Variants in FREM1 observed in about 807,000 individuals in gnomAD.
FREM1 encodes FRAS1 related extracellular matrix 1.
Under a neutral mutation model 210.1 loss-of-function variants are expected in FREM1, and 220 were observed. The ratio of observed to expected loss-of-function variants is 1.05; its 90% CI spans 0.94 to 1.17. The LOEUF (loss-of-function observed/expected upper bound fraction) is 1.17, where lower values mean the gene tolerates loss of function less well. FREM1 is among the 50% of genes most tolerant of loss of function. The pLI is 0.00. For missense variants in FREM1, 3,454 were observed against 2,675.5 expected, an observed-to-expected ratio of 1.29 and a Z score of -6.42; for synonymous variants, 1,189 against 980.2, an observed-to-expected ratio of 1.21 and a Z score of -3.98.
chr9:14,759,438 A>C (rs1845039055), intron 28 of FREM1, among the ~76,000 whole-genome samples: 1 of 150,476 alleles, frequency 6.6e-6, no homozygotes, highest in Admixed American at 6.7e-5. Context: ...TGAATCTGGG[A>C]GGTGGAGGTT....
chr9:14,843,166 T>C (rs1322436296), intron 8 of FREM1, among the ~76,000 whole-genome samples: 2 of 152,202 alleles, frequency 1.3e-5, no homozygotes, highest in Admixed American at 1.3e-4. Flanking sequence ...AGCTGAGACT[T>C]CCTTCCATCT....
chr9:14,900,256 G>C (rs989862256), intron 1 of FREM1, among the ~76,000 whole-genome samples: 6 of 152,194 alleles, frequency 3.9e-5, no homozygotes, highest in African/African-American at 1.4e-4. Context: ...TAATTTGTCT[G>C]AGTGGGGCCC....
At chr9:14,803,117 CCT>C (rs1376200508) in intron 19 of FREM1, among the ~76,000 whole-genome samples, 1 of 141,988 alleles carries the variant, frequency 7.0e-6, no homozygotes, top group Non-Finnish European at 1.5e-5. Flanking sequence ...TCCCTCCCTC[CCT>C]CTTTTCCTTT....
chr9:14,892,331 G>C (rs4741442), intron 1 of FREM1, among the ~76,000 whole-genome samples: 18,931 of 152,002 alleles, frequency 0.12, 1,487 homozygotes, highest in East Asian at 0.44. Flanking sequence ...TGGGTAGGTG[G>C]GGTGCATTTA....
intron 2 of FREM1, among the ~76,000 whole-genome samples, chr9:14,867,773 T>C (rs376119094): frequency 1.9e-4 from 29 of 152,296 alleles, no homozygotes; most frequent in African/African-American, 6.7e-4. Context: ...AGCAGCAGCA[T>C]CTAGTGTTGA....
intron 25 of FREM1, among the ~76,000 whole-genome samples, chr9:14,772,760 A>G (rs1847815007): frequency 6.6e-6 from 1 of 152,226 alleles, no homozygotes; most frequent in African/African-American, 2.4e-5. Context: ...CCAAGTGGCC[A>G]GTAAGAGAGA....
intron 17 of FREM1, among the ~76,000 whole-genome samples, chr9:14,807,155 T>G (rs1259044911): frequency 6.6e-6 from 1 of 152,234 alleles, no homozygotes; most frequent in Admixed American, 6.5e-5. Context: ...CAAGGAACTC[T>G]GGTTTCCCTT....
rs1038138467 is a variant in FREM1 at position 14,775,981 on chromosome 9, G to A, written c.4665C>T (p.Leu1555=). The A allele has an allele frequency of 1.4e-5, 23 of 1,613,922 alleles. No individual in the cohort carries two copies. Among genetic ancestry groups the A allele is most frequent in the South Asian group, 1.1e-5 (1 of 91,092 alleles). The change falls in exon 25 of 37, where the codon CTC becomes CTT. Residue 1555 remains leucine, a synonymous_variant. Transcript: ENST00000380880. The stretch of plus-strand genomic sequence containing the variant: ...GAAGTAGCCCTGTCCCCCACAGGTA[G>A]AGCTGGCCATGCTGGGGGAGCTGAA... ...LLVQLPQHGQ[L]YLWGTGLLQH...
intron 20 of FREM1, among the ~76,000 whole-genome samples, chr9:14,800,907 T>A (rs925972784): frequency 6.6e-6 from 1 of 152,218 alleles, no homozygotes; most frequent in African/African-American, 2.4e-5. Context: ...TATTTTTTAA[T>A]TGGCAAATAA....
chr9:14,858,167 A>G (rs925490792), intron 4 of FREM1, among the ~76,000 whole-genome samples: 3 of 152,086 alleles, frequency 2.0e-5, no homozygotes, highest in African/African-American at 4.8e-5. Context: ...CCATGTGGCT[A>G]TCACGCACTC....
chr9:14,779,738 C>A (rs774174752), intron 24 of FREM1, among the ~76,000 whole-genome samples: 3 of 152,166 alleles, frequency 2.0e-5, no homozygotes, highest in East Asian at 3.9e-4. Context: ...TGAGGGCACG[C>A]GGGCCACAGA....
intron 1 of FREM1, among the ~76,000 whole-genome samples, chr9:14,870,239 T>C (rs1013059170): frequency 6.6e-6 from 1 of 152,230 alleles, no homozygotes; most frequent in Admixed American, 6.5e-5. Flanking sequence ...ATTATCCACA[T>C]CTAATCTATT....
At chr9:14,884,861 C>T (rs1275569161) in intron 1 of FREM1, among the ~76,000 whole-genome samples, 1 of 151,028 alleles carries the variant, frequency 6.6e-6, no homozygotes, top group African/African-American at 2.4e-5. Flanking sequence ...AAGGCAAGTG[C>T]CTTCCCCCTC....
rs560916720 is a variant in FREM1, at chr9:14,836,912, T to C, written c.1881+4535A>G. 1.3e-5 allele frequency among the ~76,000 whole-genome samples: 2 copies of C among 152,298 alleles called. No homozygotes were observed. Among genetic ancestry groups the C allele is most frequent in the South Asian group, 4.1e-4 (2 of 4,824 alleles). ...GGAGTTATTAAGAAAAAGAAATTAT[T>C]TTATGCAGATAGAGAGGAAAAGGGG... On this transcript the variant is annotated intron_variant, in intron 10 of 36. Coordinates refer to ENST00000380880, the MANE Select transcript of FREM1 (RefSeq NM_001379081.2). This position sits in a 1 kb window ranked among gnomAD's most constrained non-coding sequence, Gnocchi z 4.9.
At chr9:14,822,561 T>C (rs1177659332) in intron 13 of FREM1, among the ~76,000 whole-genome samples, 1 of 152,192 alleles carries the variant, frequency 6.6e-6, no homozygotes, top group African/African-American at 2.4e-5. Context: ...CCTAGCATTG[T>C]GAAGGTGGGC....
chr9:14,819,007 T>C lies in FREM1; in HGVS notation c.2546+227A>G, dbSNP rs76780878. Among the ~76,000 whole-genome samples the C allele has an allele frequency of 2.7e-3, 410 of 152,310 alleles. 2 individuals carry two copies. The highest frequency in any genetic ancestry group is 9.6e-3 in the African/African-American group (400 of 41,570). ...CAATTAAATTTTTATTGTTCAAATATCCATAAAGTTATTTCCACTGGTATA... is the reference window on the plus strand; with the variant it reads ...CAATTAAATTTTTATTGTTCAAATACCCATAAAGTTATTTCCACTGGTATA... On this transcript the variant is annotated intron_variant, in intron 14 of 36. Transcript: ENST00000380880.
At chr9:14,823,061 A>T in intron 13 of FREM1, 99 bp downstream of exon 13, 1 of 891,044 alleles carries the variant, frequency 1.1e-6, no homozygotes, top group Non-Finnish European at 1.6e-6. Flanking sequence ...TTATAAGTTT[A>T]AAAAACTAGC....
chr9:14,804,040 T>G (rs1183516831), intron 19 of FREM1, among the ~76,000 whole-genome samples: 1 of 152,162 alleles, frequency 6.6e-6, no homozygotes, highest in Non-Finnish European at 1.5e-5. Flanking sequence ...TCAATATACA[T>G]AAAATGCCAA....
intron 25 of FREM1, among the ~76,000 whole-genome samples, chr9:14,771,107 T>C: frequency 6.6e-6 from 1 of 152,122 alleles, no homozygotes; most frequent in East Asian, 1.9e-4. Context: ...TTCACCGCCA[T>C]GGATTCCCTG....
Sources: gnomAD v4.1 joint callset for allele counts (sites outside exome capture counted in the v4.1 genomes callset) on GRCh38, gnomAD v4.1.1 for gene constraint, Gnocchi (gnomAD v3.1) non-coding constraint, MANE v1.5 for transcripts, NCBI Gene and HGNC (gene_info 2026-07-23, HGNC 2026-07-21) for gene names.